TSPEAR: variants seen among roughly 807,000 people sequenced by gnomAD.
The protein encoded by TSPEAR is thrombospondin type laminin G domain and EAR repeats.
In TSPEAR, 69 loss-of-function variants were observed where a neutral mutation model predicts 71.6. The ratio of observed to expected loss-of-function variants is 0.96; its 90% confidence interval spans 0.79 to 1.18. The LOEUF (loss-of-function observed/expected upper bound fraction) is 1.18. Ranked by LOEUF, TSPEAR falls within the 50% of genes most tolerant of loss-of-function variation. The pLI is 0.00. For missense variants in TSPEAR, 971 were observed against 894.9 expected, an observed-to-expected ratio of 1.09 and a Z score of -1.09; for synonymous variants, 402 against 387.2, an observed-to-expected ratio of 1.04 and a Z score of -0.45.
chr21:44,617,200 C>G (rs587686364), intron 1 of TSPEAR, among the ~76,000 whole-genome samples: 1 of 152,250 alleles, frequency 6.6e-6, no homozygotes, highest in Non-Finnish European at 1.5e-5. Flanking sequence ...GTGGCAGAGG[C>G]CCCAGCTGTG....
At chr21:44,561,086 G>T (rs1170563723) in intron 2 of TSPEAR, among the ~76,000 whole-genome samples, 2 of 152,106 alleles carry the variant, frequency 1.3e-5, no homozygotes, top group African/African-American at 4.8e-5. Context: ...TAGATCACTA[G>T]CTAGACTAAT....
intron 1 of TSPEAR, among the ~76,000 whole-genome samples, chr21:44,643,453 AT>A (rs1984130317): frequency 6.6e-6 from 1 of 152,234 alleles, no homozygotes; most frequent in South Asian, 2.1e-4. Context: ...TGATGGACAT[AT>A]TAATTAGCTT....
intron 1 of TSPEAR, among the ~76,000 whole-genome samples, chr21:44,663,551 A>G (rs757269048): frequency 3.9e-4 from 60 of 152,244 alleles, no homozygotes; most frequent in Non-Finnish European, 7.1e-4. Flanking sequence ...CCAATTCTAC[A>G]TGAACTCTTC....
intron 2 of TSPEAR, among the ~76,000 whole-genome samples, chr21:44,561,687 G>A (rs1469785429): frequency 3.3e-5 from 5 of 152,058 alleles, no homozygotes; most frequent in Admixed American, 2.0e-4. Context: ...TAGGCAAATC[G>A]ATAAATGTAA....
intron 1 of TSPEAR, chr21:44,690,578 T>C: frequency 1.0e-6 from 1 of 985,466 alleles, no homozygotes; most frequent in Non-Finnish European, 1.2e-6. Flanking sequence ...GAGGTCAGCA[T>C]TCAGCCCACG....
intron 9 of TSPEAR, chr21:44,518,850 G>A: frequency 2.7e-6 from 1 of 370,696 alleles, no homozygotes. Flanking sequence ...GTGAGCCTGG[G>A]GCCAGCAGGG....
intron 1 of TSPEAR, among the ~76,000 whole-genome samples, chr21:44,652,077 G>A (rs947830950): frequency 4.2e-5 from 6 of 144,294 alleles, no homozygotes; most frequent in African/African-American, 7.7e-5. Context: ...TCCGCCTCCC[G>A]CGTTCACACA....
At chr21:44,615,345 C>A (rs1982010216) in intron 1 of TSPEAR, among the ~76,000 whole-genome samples, 1 of 152,220 alleles carries the variant, frequency 6.6e-6, no homozygotes, top group African/African-American at 2.4e-5. Flanking sequence ...AGAGTCCAGG[C>A]CGCACAGGTG....
chr21:44,500,274 G>A (rs1179909721), intron 11 of TSPEAR, among the ~76,000 whole-genome samples: 1 of 152,160 alleles, frequency 6.6e-6, no homozygotes, highest in Non-Finnish European at 1.5e-5. Context: ...TTTCCCCAGG[G>A]CCCCCCTCAA....
intron 7 of TSPEAR, among the ~76,000 whole-genome samples, chr21:44,526,575 G>T (rs1452545855): frequency 6.6e-6 from 1 of 152,210 alleles, no homozygotes; most frequent in Admixed American, 6.5e-5. Flanking sequence ...TAAGCCACAG[G>T]AGAGCAGTTT....
intron 1 of TSPEAR, among the ~76,000 whole-genome samples, chr21:44,688,440 G>T (rs1336334610): frequency 2.0e-5 from 3 of 152,222 alleles, no homozygotes; most frequent in African/African-American, 7.2e-5. Context: ...GAAAGAGACG[G>T]CCGGGCGCGG....
chr21:44,580,480 G>T, intron 1 of TSPEAR: 3 of 1,613,294 alleles, frequency 1.9e-6, no homozygotes, highest in Non-Finnish European at 2.5e-6. Context: ...GGCAGGGGGC[G>T]GTGCCGCAGG....
intron 1 of TSPEAR, among the ~76,000 whole-genome samples, chr21:44,607,837 G>T (rs1047923931): frequency 5.3e-5 from 8 of 152,164 alleles, no homozygotes; most frequent in African/African-American, 1.9e-4. Context: ...CCCTTCACAT[G>T]CCCCACACAC....
intron 1 of TSPEAR, among the ~76,000 whole-genome samples, chr21:44,655,038 A>AT (rs1300781866): frequency 6.6e-6 from 1 of 152,194 alleles, no homozygotes; most frequent in Non-Finnish European, 1.5e-5. Context: ...GGTCTTCCCA[A>AT]GTAACGAGAG....
chr21:44,615,127 G>C (rs935146313), intron 1 of TSPEAR, among the ~76,000 whole-genome samples: 1 of 152,238 alleles, frequency 6.6e-6, no homozygotes, highest in South Asian at 2.1e-4. Flanking sequence ...CCTGGACTCC[G>C]CCATGGGCAG....
chr21:44,588,033 T>C (rs1050396493), intron 1 of TSPEAR, among the ~76,000 whole-genome samples: 9 of 152,210 alleles, frequency 5.9e-5, no homozygotes, highest in African/African-American at 1.9e-4. Flanking sequence ...TGGGACTTAA[T>C]TAAACTAAAG....
chr21:44,673,942 C>T (rs1244907992), intron 1 of TSPEAR, among the ~76,000 whole-genome samples: 4 of 151,484 alleles, frequency 2.6e-5, no homozygotes, highest in East Asian at 1.9e-4. Flanking sequence ...CATATCAAAA[C>T]CTATAGGCTA....
At chr21:44,553,241 A>G (rs1382690719) in intron 2 of TSPEAR, among the ~76,000 whole-genome samples, 1 of 152,180 alleles carries the variant, frequency 6.6e-6, no homozygotes, top group East Asian at 1.9e-4. Context: ...GAGGTTGAGC[A>G]ATCTGCTCAA....
chr21:44,681,805 T>C (rs1555948000), intron 1 of TSPEAR: 2 of 1,587,340 alleles, frequency 1.3e-6, no homozygotes, highest in Non-Finnish European at 1.7e-6. Flanking sequence ...TCATCTGCAC[T>C]GGGAGCAGCG....
Sources: gnomAD v4.1 joint callset for allele counts (sites outside exome capture counted in the v4.1 genomes callset) on GRCh38, gnomAD v4.1.1 for gene constraint, MANE v1.5 for transcripts, NCBI Gene and HGNC (gene_info 2026-07-23, HGNC 2026-07-21) for gene names.